JARID2: variants seen among roughly 807,000 people sequenced by gnomAD.
The protein encoded by JARID2 is jumonji and AT-rich interaction domain containing 2.
JARID2 carries 21 observed loss-of-function variants against 125.6 expected under a neutral mutation model. The ratio of observed to expected loss-of-function variants is 0.17; its 90% CI spans 0.12 to 0.24. JARID2 has a LOEUF of 0.24. Ranked by LOEUF, JARID2 falls within the 10% of genes least tolerant of loss-of-function variation. JARID2 has a pLI of 1.00. For synonymous variants in JARID2, 736 were observed against 661.6 expected, an observed-to-expected ratio of 1.11 and a Z score of -1.73; for missense variants, 1,303 against 1,639.6, an observed-to-expected ratio of 0.79 and a Z score of 3.55.
intron 5 of JARID2, among the ~76,000 whole-genome samples, chr6:15,478,610 C>T (rs2282822): frequency 0.79 from 119,983 of 151,794 alleles, 47,475 homozygotes; most frequent in African/African-American, 0.83. Context: ...TGAGCCAGAA[C>T]TCTTATCACT....
intron 12 of JARID2, chr6:15,509,156 C>A: frequency 7.8e-7 from 1 of 1,286,018 alleles, no homozygotes; most frequent in East Asian, 5.6e-5. Flanking sequence ...GGCTGGGTCC[C>A]CGCCTGTAAT....
intron 3 of JARID2, among the ~76,000 whole-genome samples, chr6:15,429,034 CA>C (rs1156596126): frequency 4.7e-5 from 7 of 150,294 alleles, no homozygotes; most frequent in African/African-American, 1.2e-4. Context: ...TGGTTGAAAG[CA>C]ACATCATCCA....
rs1190801806 is a variant in JARID2, at chr6:15,487,515, T to G, written c.879T>G (p.His293Gln). ...LAATHHHPPL[H>Q]RSAQDLRKQV... ...CCACCCATCACCACCCCCCTCTGCA[T>G]CGGTCGGCTCAGGACTTACGGAAAC... Residue 293 changes from histidine to glutamine, a missense_variant, in exon 6 of 18, where the codon CAT (histidine) becomes CAG (glutamine). By Grantham distance (24) the His-to-Gln change is conservative. Around this residue, in one of 11 missense-constraint regions of JARID2, gnomAD observed 651 missense variants for 581.6 expected, o/e 1.12. Coordinates refer to ENST00000341776, the MANE Select transcript of JARID2 (RefSeq NM_004973.4). 1 of 1,613,390 alleles carries G rather than the reference T, an allele frequency of 6.2e-7. No individual in the cohort carries two copies. The highest frequency in any genetic ancestry group is 8.5e-7 in the Non-Finnish European group (1 of 1,179,618).
intron 5 of JARID2, among the ~76,000 whole-genome samples, chr6:15,477,082 G>A (rs781327734): frequency 6.6e-6 from 1 of 152,072 alleles, no homozygotes; most frequent in Non-Finnish European, 1.5e-5. Flanking sequence ...TGTGCATATC[G>A]TTTTCTGAAG....
chr6:15,407,407 C>G (rs1308415144), intron 2 of JARID2, among the ~76,000 whole-genome samples: 2 of 152,144 alleles, frequency 1.3e-5, no homozygotes, highest in Non-Finnish European at 2.9e-5. Flanking sequence ...TACAGTCACC[C>G]AGATTCATTT....
intron 3 of JARID2, 91 bp downstream of exon 3, chr6:15,410,456 T>A: frequency 7.9e-7 from 1 of 1,260,402 alleles, no homozygotes; most frequent in South Asian, 1.4e-5. Context: ...GTGAGCCCAT[T>A]CACCCAATCT....
intron 1 of JARID2, among the ~76,000 whole-genome samples, chr6:15,278,420 A>G (rs375469018): frequency 6.6e-6 from 1 of 151,656 alleles, no homozygotes; most frequent in East Asian, 2.0e-4. Context: ...CCCCGTCTCT[A>G]CTAAAAATAC....
chr6:15,277,930 G>A (rs1446996102), intron 1 of JARID2, among the ~76,000 whole-genome samples: 1 of 152,060 alleles, frequency 6.6e-6, no homozygotes, highest in African/African-American at 2.4e-5. Context: ...GCTGTAAACA[G>A]TGTAAGGGAA....
chr6:15,456,233 CTTAT>C (rs1768171787), intron 4 of JARID2, among the ~76,000 whole-genome samples: 1 of 152,164 alleles, frequency 6.6e-6, no homozygotes, highest in Non-Finnish European at 1.5e-5. Context: ...CGGAGGCATG[CTTAT>C]TTATTGTTCA....
intron 3 of JARID2, among the ~76,000 whole-genome samples, chr6:15,443,347 C>T (rs1331322622): frequency 6.6e-6 from 1 of 152,150 alleles, no homozygotes; most frequent in Non-Finnish European, 1.5e-5. Flanking sequence ...AGTTACTCCT[C>T]ATTGGAAGGG....
chr6:15,347,658 A>G (rs762524955), intron 1 of JARID2, among the ~76,000 whole-genome samples: 1 of 152,232 alleles, frequency 6.6e-6, no homozygotes, highest in Admixed American at 6.5e-5. Flanking sequence ...TGGGGTTTAA[A>G]CATTTCCACT....
intron 1 of JARID2, among the ~76,000 whole-genome samples, chr6:15,358,864 ACTGAATT>A (rs1561812302): frequency 6.6e-6 from 1 of 152,174 alleles, no homozygotes; most frequent in African/African-American, 2.4e-5. Context: ...AGATGGCGGG[ACTGAATT>A]CTAGAGCAGC....
chr6:15,258,723 A>G (rs1414566912), intron 1 of JARID2, among the ~76,000 whole-genome samples: 1 of 152,218 alleles, frequency 6.6e-6, no homozygotes, highest in East Asian at 1.9e-4. Flanking sequence ...CAGAGGTTGC[A>G]GTGAGCCGAG....
chr6:15,477,820 A>G (rs1769420837), intron 5 of JARID2, among the ~76,000 whole-genome samples: 1 of 152,224 alleles, frequency 6.6e-6, no homozygotes. Context: ...TGTGATTGAA[A>G]AGATCTGGTG....
chr6:15,327,705 G>A (rs1047179014), intron 1 of JARID2, among the ~76,000 whole-genome samples: 1 of 152,176 alleles, frequency 6.6e-6, no homozygotes, highest in Admixed American at 6.5e-5. Flanking sequence ...GGGTAAAACA[G>A]CAGAACTATA....
At chr6:15,314,835 A>T (rs957116887) in intron 1 of JARID2, 3 of 152,248 alleles carry the variant, frequency 2.0e-5, no homozygotes, top group Non-Finnish European at 4.4e-5. Flanking sequence ...CTGCTTCAGT[A>T]AAACCAAAAA....
chr6:15,329,972 A>G (rs1762654255), intron 1 of JARID2, among the ~76,000 whole-genome samples: 1 of 152,076 alleles, frequency 6.6e-6, no homozygotes, highest in Non-Finnish European at 1.5e-5. Context: ...CCCCCACTTA[A>G]TTTTCACTGG....
At chr6:15,498,609 T>C (rs1770577910) in intron 7 of JARID2, among the ~76,000 whole-genome samples, 1 of 152,230 alleles carries the variant, frequency 6.6e-6, no homozygotes, top group African/African-American at 2.4e-5. Flanking sequence ...TGGAGACGTG[T>C]AGCCATCATT....
intron 4 of JARID2, among the ~76,000 whole-genome samples, chr6:15,461,663 G>A (rs1273498434): frequency 6.6e-6 from 1 of 152,186 alleles, no homozygotes; most frequent in Non-Finnish European, 1.5e-5. Context: ...AAGAATGACA[G>A]TATGATTTTA....
Sources: allele counts gnomAD v4.1 joint callset (sites outside exome capture counted in the v4.1 genomes callset), GRCh38; gene constraint gnomAD v4.1.1; regional missense constraint gnomAD v4.1.1; transcripts MANE v1.5; gene names NCBI Gene and HGNC (gene_info 2026-07-23, HGNC 2026-07-21).